Variants in COL24A1 observed in about 807,000 individuals in gnomAD.
COL24A1 encodes the protein collagen type XXIV alpha 1 chain.
COL24A1 carries 224 observed loss-of-function variants against 253.9 expected under a neutral mutation model. The ratio of observed to expected loss-of-function variants is 0.88; its 90% CI spans 0.79 to 0.99. COL24A1 has a LOEUF of 0.99. Among genes scored for constraint, COL24A1 ranks in the 50% least tolerant of loss-of-function variants. COL24A1 has a pLI of 0.00. For missense variants in COL24A1, 2,131 were observed against 2,068.5 expected, an observed-to-expected ratio of 1.03 and a Z score of -0.59; for synonymous variants, 685 against 673.7, an observed-to-expected ratio of 1.02 and a Z score of -0.26.
chr1:85,732,259 C>G lies in COL24A1; in HGVS notation c.4999-1567G>C, dbSNP rs899430715. ...CTTTTTTTTTTTTTTGAGACGGAGT[C>G]TCACTCGGTCGCCCAGCTGGAGTGC... On this transcript the variant is annotated intron_variant, in intron 59 of 59. Coordinates refer to ENST00000370571, the MANE Select transcript of COL24A1 (RefSeq NM_152890.7). Among the ~76,000 whole-genome samples the G allele has an allele frequency of 2.1e-5, 3 of 144,510 alleles. No homozygotes were observed. The East Asian group carries it at 6.2e-4, about 30-fold the overall frequency. 94.8% of individuals were successfully genotyped at this position (144,510 alleles called of 152,430 possible).
At chr1:86,010,914 G>T (rs1321489435) in intron 19 of COL24A1, among the ~76,000 whole-genome samples, 1 of 152,044 alleles carries the variant, frequency 6.6e-6, no homozygotes, top group Non-Finnish European at 1.5e-5. Context: ...CCTTAAACAA[G>T]CAAAACATAC....
At chr1:85,834,290 G>A (rs568235917) in intron 43 of COL24A1, among the ~76,000 whole-genome samples, 1 of 149,808 alleles carries the variant, frequency 6.7e-6, no homozygotes, top group African/African-American at 2.5e-5. Context: ...GAGTGAGTGA[G>A]TGAGAGAGAG....
chr1:85,878,124 T>G (rs1681396119), intron 32 of COL24A1, among the ~76,000 whole-genome samples: 1 of 152,228 alleles, frequency 6.6e-6, no homozygotes, highest in African/African-American at 2.4e-5. Flanking sequence ...ATCCATTTAT[T>G]CATTGGACAT....
At chr1:86,031,799 G>A in intron 14 of COL24A1, 79 bp downstream of exon 14, 1 of 1,147,996 alleles carries the variant, frequency 8.7e-7, no homozygotes. Context: ...ATTTCCCTAA[G>A]TTTCAAAAAC....
chr1:85,841,284 A>G lies in COL24A1; in HGVS notation c.3571-6T>C. ...CTATCTTCTCCTGGGTAGCCCTAAA[A>G]TGAAATAATGATTTATAAACAAAAC... On this transcript the variant is annotated splice_region_variant and splice_polypyrimidine_tract_variant and intron_variant, in intron 41 of 59. Coordinates refer to ENST00000370571, the MANE Select transcript of COL24A1 (RefSeq NM_152890.7). 1.3e-6 allele frequency: 2 copies of G among 1,587,658 alleles called. No homozygotes were observed. Among genetic ancestry groups the G allele is most frequent in the Non-Finnish European group, 1.7e-6 (2 of 1,166,276 alleles).
chr1:85,929,632 T>A (rs376713328), intron 24 of COL24A1, among the ~76,000 whole-genome samples: 264 of 19,734 alleles, frequency 0.013, 10 homozygotes, highest in South Asian at 0.067. Context: ...GAATATACAT[T>A]TTTTTCAGCA....
intron 24 of COL24A1, among the ~76,000 whole-genome samples, chr1:85,927,089 G>A (rs978234235): frequency 3.9e-5 from 6 of 152,014 alleles, no homozygotes; most frequent in East Asian, 3.9e-4. Context: ...CAAGACGGCC[G>A]AATAGGAACA....
In COL24A1 at chr1:85,787,810, G is replaced by A. The variant is rs145066049; in HGVS notation, c.3952-1349C>T. Among the ~76,000 whole-genome samples, 407 of 152,262 alleles carry A rather than the reference G, an allele frequency of 2.7e-3. 1 individual carries two copies. Among genetic ancestry groups the A allele is most frequent in the African/African-American group, 8.2e-3 (340 of 41,556 alleles). On this transcript the variant is annotated intron_variant, in intron 47 of 59. Transcript: ENST00000370571. ...AAGGTCTTCGAGGAATCACCACACTGTCTTCCACAATGGTTGGACTAATTT... is the reference window on the plus strand; with the variant it reads ...AAGGTCTTCGAGGAATCACCACACTATCTTCCACAATGGTTGGACTAATTT...
At chr1:85,816,924 A>C in intron 46 of COL24A1, 29 bp from the exon 47 acceptor site, 2 of 1,467,206 alleles carry the variant, frequency 1.4e-6, no homozygotes, top group South Asian at 2.3e-5. Flanking sequence ...TTTGGATTGT[A>C]GAGATGCTGA....
Position 85,761,523 on chromosome 1 carries a change from C to A in COL24A1, c.4410+8G>T. ...ATGGTAAACAGATATAAATGAAAACCAACTCACTGGAGGCCCTGGTTGACC... is the reference window on the plus strand; with the variant it reads ...ATGGTAAACAGATATAAATGAAAACAAACTCACTGGAGGCCCTGGTTGACC... On this transcript the variant is annotated splice_region_variant and intron_variant, in intron 54 of 59. Coordinates refer to ENST00000370571, the MANE Select transcript of COL24A1 (RefSeq NM_152890.7). The A allele has an allele frequency of 6.2e-7, 1 of 1,613,926 alleles. No homozygotes were observed. Among genetic ancestry groups the A allele is most frequent in the Middle Eastern group, 1.6e-4 (1 of 6,062 alleles).
chr1:85,888,036 G>GTT (rs35604219), intron 32 of COL24A1, among the ~76,000 whole-genome samples: 33 of 150,736 alleles, frequency 2.2e-4, no homozygotes, highest in Admixed American at 1.1e-3. Flanking sequence ...ACTTTTCCGT[G>GTT]TTTTTTTTTG....
intron 1 of COL24A1, chr1:86,154,709 G>T (rs1043133745): frequency 5.2e-5 from 8 of 152,702 alleles, no homozygotes; most frequent in African/African-American, 1.9e-4. Context: ...CCGGTGGTTG[G>T]TCACAACTAC....
At chr1:85,785,870 T>C (rs1047083886) in intron 48 of COL24A1, among the ~76,000 whole-genome samples, 1 of 152,222 alleles carries the variant, frequency 6.6e-6, no homozygotes, top group Non-Finnish European at 1.5e-5. Flanking sequence ...GGAAAGTCTA[T>C]TGACATGTGA....
At chr1:86,153,519 A>G (rs1012982309) in intron 1 of COL24A1, among the ~76,000 whole-genome samples, 6 of 152,232 alleles carry the variant, frequency 3.9e-5, no homozygotes, top group Non-Finnish European at 8.8e-5. Context: ...AAATTCTAAA[A>G]TAAGTCATAG....
chr1:86,137,056 A>G (rs887510953), intron 2 of COL24A1, among the ~76,000 whole-genome samples: 1 of 152,130 alleles, frequency 6.6e-6, no homozygotes, highest in African/African-American at 2.4e-5. Context: ...CAGACTCTTT[A>G]ACATGTAATT....
chr1:86,076,409 A>G (rs1702246665), intron 7 of COL24A1, among the ~76,000 whole-genome samples: 1 of 152,198 alleles, frequency 6.6e-6, no homozygotes, highest in Admixed American at 6.5e-5. Context: ...ACAAATGGAA[A>G]AACATTCCAT....
intron 7 of COL24A1, among the ~76,000 whole-genome samples, chr1:86,085,361 C>T (rs1303282639): frequency 6.6e-6 from 1 of 152,084 alleles, no homozygotes. Context: ...TCTCACTAAA[C>T]TGAGAGGATT....
At position 85,946,295 on chromosome 1, in the gene COL24A1, G is replaced by A. The variant is rs148387130; in HGVS notation, c.2562+14954C>T. On this transcript the variant is annotated intron_variant, in intron 24 of 59. Transcript: ENST00000370571. ...CACCGGGAAAGGACTCTGGGACACC[G>A]CACCGGGTTTCCGCGGGACTTCACA... 1.1e-3 allele frequency among the ~76,000 whole-genome samples: 171 copies of A among 152,230 alleles called. 1 individual carries two copies. The highest frequency in any genetic ancestry group is 3.7e-3 in the African/African-American group (154 of 41,540).
At chr1:86,000,621 A>G (rs796122936) in intron 19 of COL24A1, among the ~76,000 whole-genome samples, 4 of 152,232 alleles carry the variant, frequency 2.6e-5, no homozygotes, top group South Asian at 4.1e-4. Context: ...TGAAGTACTA[A>G]AAATGAAGTT....
Sources: allele counts gnomAD v4.1 joint callset (sites outside exome capture counted in the v4.1 genomes callset), GRCh38; gene constraint gnomAD v4.1.1; transcripts MANE v1.5; gene names NCBI Gene and HGNC (gene_info 2026-07-23, HGNC 2026-07-21).